The following FHIT variants were observed in gnomAD, a reference collection of about 807,000 sequenced individuals.
The protein encoded by FHIT is fragile histidine triad diadenosine triphosphatase.
Under a neutral mutation model 17.9 loss-of-function variants are expected in FHIT, and 19 were observed. The ratio of observed to expected loss-of-function variants is 1.06; its 90% CI spans 0.74 to 1.56. The LOEUF (loss-of-function observed/expected upper bound fraction) is 1.56. Ranked by LOEUF, FHIT falls within the 40% of genes most tolerant of loss-of-function variation. The probability of loss-of-function intolerance (pLI) is 0.00; values close to 1 mark genes in which losing one functional copy is unlikely to be tolerated. For synonymous variants in FHIT, 81 were observed against 69.7 expected (o/e 1.16, Z -0.81); for missense variants, 248 against 189.2 (o/e 1.31, Z -1.82).
chr3:60,238,323 CTCTA>C (rs1197531101), intron 5 of FHIT, among the ~76,000 whole-genome samples: 2 of 151,368 alleles, frequency 1.3e-5, no homozygotes, highest in Non-Finnish European at 2.9e-5. Context: ...ACTGTACTTA[CTCTA>C]TCTTAGCGAT....
rs62239697 is a variant in FHIT at position 59,752,052 on chromosome 3, G to C, written c.*5+169C>G. 32 of 513,942 alleles carry C rather than the reference G, an allele frequency of 6.2e-5. No individual in the cohort carries two copies. The East Asian group carries it at 6.2e-4, about 10-fold the overall frequency. The allele number at this position is 513,942 out of a possible 1,614,324, so 31.8% of individuals were successfully genotyped here. A position where few individuals can be genotyped will look rare whatever the true frequency, so the allele number is the denominator to read the frequency against. ...GAGTTGGAAGAGACTGGGAGGCTGG[G>C]AATACAGTACTCAAGGGCCAGGGTT... On this transcript the variant is annotated intron_variant, in intron 9 of 9. Transcript: ENST00000492590.
chr3:60,660,729 C>CTTTTTTTTTTTTTTTGTTTTTTTT (rs2040223781), intron 4 of FHIT, among the ~76,000 whole-genome samples: 1 of 37,278 alleles, frequency 2.7e-5, no homozygotes, highest in African/African-American at 8.2e-5. Flanking sequence ...TTATTGTGCT[C>CTTTTTTTTTTTTTTTGTTTTTTTT]TTTTTTTTTT....
At chr3:60,361,566 G>A (rs915323709) in intron 5 of FHIT, among the ~76,000 whole-genome samples, 1 of 152,122 alleles carries the variant, frequency 6.6e-6, no homozygotes, top group African/African-American at 2.4e-5. Context: ...AAGATGCAAT[G>A]GCAACAGGTG....
rs569563441 is a variant in FHIT, at chr3:59,983,750, T to C, written c.279+27621A>G. On this transcript the variant is annotated intron_variant, in intron 7 of 9. Transcript: ENST00000492590. ...TGGCCTCAGGAAGCTCCCAACCTAG[T>C]AATCAGAGAAGAATGAGAGGATTGC... 1.1e-3 allele frequency among the ~76,000 whole-genome samples: 165 copies of C among 152,186 alleles called. 1 individual carries two copies. The highest frequency in any genetic ancestry group is 3.7e-3 in the African/African-American group (155 of 41,554).
chr3:61,096,286 T>C (rs1323538057), intron 2 of FHIT, among the ~76,000 whole-genome samples: 2 of 152,188 alleles, frequency 1.3e-5, no homozygotes, highest in Non-Finnish European at 2.9e-5. Context: ...ATTGATTGTG[T>C]GACACAGGCA....
At chr3:60,507,793 C>A (rs957479687) in intron 5 of FHIT, among the ~76,000 whole-genome samples, 1 of 152,132 alleles carries the variant, frequency 6.6e-6, no homozygotes, top group African/African-American at 2.4e-5. Context: ...CCTGTTCCTG[C>A]ATTAGTTTGC....
At chr3:60,315,648 T>C (rs549951712) in intron 5 of FHIT, among the ~76,000 whole-genome samples, 16 of 152,358 alleles carry the variant, frequency 1.1e-4, no homozygotes, top group Non-Finnish European at 2.1e-4. Context: ...TTCATTGCTC[T>C]GAAGTGTTGC....
At chr3:60,800,770 G>A (rs544261973) in intron 4 of FHIT, among the ~76,000 whole-genome samples, 72 of 152,310 alleles carry the variant, frequency 4.7e-4, no homozygotes, top group South Asian at 1.9e-3. Flanking sequence ...GTATGGACAA[G>A]AGTATGGAGT....
intron 3 of FHIT, among the ~76,000 whole-genome samples, chr3:60,974,360 G>T (rs368612693): frequency 1.3e-4 from 20 of 152,092 alleles, no homozygotes; most frequent in African/African-American, 4.1e-4. Context: ...AGAGTTATTG[G>T]TTCAGAAATG....
intron 5 of FHIT, among the ~76,000 whole-genome samples, chr3:60,459,634 T>G (rs2032333198): frequency 6.6e-6 from 1 of 152,230 alleles, no homozygotes; most frequent in African/African-American, 2.4e-5. Context: ...TAAAGCTGAT[T>G]ATAAAGACAT....
intron 5 of FHIT, among the ~76,000 whole-genome samples, chr3:60,165,546 T>C (rs13078190): frequency 0.18 from 26,736 of 152,108 alleles, 2,636 homozygotes; most frequent in South Asian, 0.32. Context: ...TTAGAATAGC[T>C]TGGAAGACCA....
intron 5 of FHIT, among the ~76,000 whole-genome samples, chr3:60,474,354 G>T (rs536315633): frequency 2.0e-5 from 3 of 152,228 alleles, no homozygotes; most frequent in Admixed American, 6.5e-5. Flanking sequence ...TAAATCAACT[G>T]AATATAGCAA....
At chr3:61,250,738 A>G (rs895155434) in intron 1 of FHIT, among the ~76,000 whole-genome samples, 1 of 152,174 alleles carries the variant, frequency 6.6e-6, no homozygotes, top group African/African-American at 2.4e-5. Context: ...AGTGTAAGAA[A>G]GTCCGACCAA....
chr3:61,190,674 A>T (rs1336944353), intron 2 of FHIT, among the ~76,000 whole-genome samples: 1 of 152,162 alleles, frequency 6.6e-6, no homozygotes, highest in African/African-American at 2.4e-5. Context: ...AAGACTTGGA[A>T]CCGACCCAAA....
At chr3:60,322,106 G>C (rs1479986484) in intron 5 of FHIT, among the ~76,000 whole-genome samples, 1 of 152,134 alleles carries the variant, frequency 6.6e-6, no homozygotes, top group African/African-American at 2.4e-5. Flanking sequence ...CATTTGTCCA[G>C]GTACAGCCCA....
At chr3:60,120,355 G>A (rs1705191849) in intron 5 of FHIT, among the ~76,000 whole-genome samples, 1 of 152,176 alleles carries the variant, frequency 6.6e-6, no homozygotes, top group Admixed American at 6.5e-5. Flanking sequence ...TGATTCTGAG[G>A]CAGGGTTAAA....
At chr3:60,944,301 G>GC (rs769766780) in intron 3 of FHIT, among the ~76,000 whole-genome samples, 9 of 151,544 alleles carry the variant, frequency 5.9e-5, no homozygotes, top group Admixed American at 3.3e-4. Context: ...TGATAATTGA[G>GC]CTATGCTTTC....
chr3:61,097,034 G>A (rs1314690427), intron 2 of FHIT, among the ~76,000 whole-genome samples: 2 of 138,268 alleles, frequency 1.4e-5, no homozygotes, highest in African/African-American at 5.5e-5. Context: ...AACTGAGATT[G>A]CACCAATGCA....
At chr3:60,162,818 T>C (rs1048910415) in intron 5 of FHIT, among the ~76,000 whole-genome samples, 3 of 152,282 alleles carry the variant, frequency 2.0e-5, no homozygotes, top group Non-Finnish European at 2.9e-5. Flanking sequence ...CATTCCCCTA[T>C]GGCTTCCCTG....
Sources: allele counts gnomAD v4.1 joint callset (sites outside exome capture counted in the v4.1 genomes callset), GRCh38; gene constraint gnomAD v4.1.1; transcripts MANE v1.5; gene names NCBI Gene and HGNC (gene_info 2026-07-23, HGNC 2026-07-21).